TEX36: variants seen among roughly 807,000 people sequenced by gnomAD.
TEX36 encodes testis-expressed protein 36.
A neutral mutation model predicts 13.6 loss-of-function variants in TEX36; 12 were observed. That is an observed-to-expected ratio of 0.88 (90% CI 0.56 to 1.43). The LOEUF is 1.43. TEX36 is among the 40% of genes most tolerant of loss of function. The probability of loss-of-function intolerance (pLI) is 0.00; values close to 1 mark genes in which losing one functional copy is unlikely to be tolerated. For synonymous variants in TEX36, 93 were observed against 83.0 expected, an observed-to-expected ratio of 1.12 and a Z score of -0.65; for missense variants, 224 against 228.3, an observed-to-expected ratio of 0.98 and a Z score of 0.12.
At chr10:125,588,895 C>T (rs900594035) in intron 3 of TEX36, among the ~76,000 whole-genome samples, 1 of 152,100 alleles carries the variant, frequency 6.6e-6, no homozygotes, top group East Asian at 1.9e-4. Context: ...GGATTGCAGG[C>T]GTGAGCCACG....
intron 1 of TEX36, 133 bp from the exon 2 acceptor site, chr10:125,662,110 T>G (rs1847054957): frequency 8.2e-7 from 1 of 1,214,440 alleles, no homozygotes; most frequent in Non-Finnish European, 1.1e-6. Flanking sequence ...TGGCATAATT[T>G]TTGTAATTTT....
chr10:125,676,275 T>G (rs1221523653), intron 1 of TEX36, among the ~76,000 whole-genome samples: 1 of 152,244 alleles, frequency 6.6e-6, no homozygotes, highest in African/African-American at 2.4e-5. Context: ...ATATTTGCCT[T>G]ATGAATCTGG....
intron 3 of TEX36, among the ~76,000 whole-genome samples, chr10:125,637,932 C>G (rs760064568): frequency 8.5e-5 from 13 of 152,062 alleles, no homozygotes. Flanking sequence ...AGACCACCCC[C>G]CTGCTGCCGG....
chr10:125,651,829 C>A (rs1479351171), downstream of TEX36, among the ~76,000 whole-genome samples: 1 of 152,190 alleles, frequency 6.6e-6, no homozygotes, highest in Non-Finnish European at 1.5e-5. Flanking sequence ...GTGCAAAAAT[C>A]ACAAGCATTC....
intron 3 of TEX36, among the ~76,000 whole-genome samples, chr10:125,660,799 T>TA: frequency 6.6e-6 from 1 of 152,310 alleles, no homozygotes; most frequent in South Asian, 2.1e-4. Flanking sequence ...GAAGCGCACT[T>TA]ACACCTAGGC....
intron 3 of TEX36, among the ~76,000 whole-genome samples, chr10:125,589,516 G>A (rs1845998007): frequency 6.6e-6 from 1 of 152,126 alleles, no homozygotes; most frequent in Non-Finnish European, 1.5e-5. Flanking sequence ...TTTTAAAGGA[G>A]TGTCTTTCTA....
At position 125,656,060 on chromosome 10, in the gene TEX36, G is replaced by A. The variant is rs1846935987; in HGVS notation, c.401C>T (p.Ala134Val). 1 of 1,551,674 alleles carries A rather than the reference G, an allele frequency of 6.4e-7. No individual in the cohort carries two copies. The highest frequency in any genetic ancestry group is 8.7e-7 in the Non-Finnish European group (1 of 1,147,002). ...NNQISYVYKE[A>V]MVVSSFRRFP... ...GCGTCTGAAGCTTGAGACCACCATG[G>A]CTTCTTTATATACGTATGATATTTG... The change falls in exon 4 of 4, where the codon GCC becomes GTC. Residue 134 changes from alanine (A) to valine (V), a missense_variant. Physicochemically the swap from Ala to Val is moderately conservative, Grantham distance 64 (BLOSUM62 0). Coordinates refer to ENST00000368821, the MANE Select transcript of TEX36 (RefSeq NM_001128202.3).
chr10:125,636,453 A>T (rs1846625324), intron 3 of TEX36, among the ~76,000 whole-genome samples: 2 of 151,170 alleles, frequency 1.3e-5, no homozygotes, highest in South Asian at 2.1e-4. Flanking sequence ...TGACCTCGTG[A>T]TCCACCTGCC....
At chr10:125,582,883 A>T (rs1164001287) in intron 3 of TEX36, among the ~76,000 whole-genome samples, 2 of 152,230 alleles carry the variant, frequency 1.3e-5, no homozygotes, top group African/African-American at 2.4e-5. Flanking sequence ...TCACTAGATA[A>T]TTAAGCCTCC....
rs61400990 is a variant in TEX36 at position 125,635,398 on chromosome 10, G to T, written c.265-13753C>A. ...ATAAGGATATGAAAACTAAGACTTA[G>T]AAGTAACTTGCCCAAGGTCACAAAG... On this transcript the variant is annotated intron_variant, in intron 3 of 3. Coordinates refer to the TEX36 transcript ENST00000526819. Among the ~76,000 whole-genome samples, 1,458 of 152,320 alleles carry T rather than the reference G, an allele frequency of 9.6e-3. 21 individuals carry two copies. Among genetic ancestry groups the T allele is most frequent in the African/African-American group, 0.033 (1,384 of 41,560 alleles).
At chr10:125,663,870 C>T (rs1847084227) in intron 1 of TEX36, among the ~76,000 whole-genome samples, 1 of 152,118 alleles carries the variant, frequency 6.6e-6, no homozygotes, top group African/African-American at 2.4e-5. Flanking sequence ...TCCAATTATA[C>T]TTTTAGTTTA....
downstream of TEX36, among the ~76,000 whole-genome samples, chr10:125,619,926 A>G (rs1404662427): frequency 6.6e-6 from 1 of 151,958 alleles, no homozygotes; most frequent in Non-Finnish European, 1.5e-5. Context: ...TATATCACCT[A>G]GGTGCATGTA....
intron 1 of TEX36, among the ~76,000 whole-genome samples, chr10:125,671,898 A>G (rs1463867280): frequency 6.6e-6 from 1 of 151,810 alleles, no homozygotes. Flanking sequence ...TTTCTTCTAG[A>G]TTTTCTAGTT....
intron 3 of TEX36, among the ~76,000 whole-genome samples, chr10:125,592,711 T>C (rs1209553427): frequency 2.0e-5 from 3 of 152,062 alleles, no homozygotes; most frequent in Non-Finnish European, 4.4e-5. Flanking sequence ...AGCCCCAACT[T>C]GTGACCCATA....
chr10:125,602,111 T>G (rs965979143), intron 3 of TEX36, among the ~76,000 whole-genome samples: 1 of 152,146 alleles, frequency 6.6e-6, no homozygotes, highest in Admixed American at 6.5e-5. Context: ...CCCCTCTCTG[T>G]GCCTCAGCTT....
intron 3 of TEX36, among the ~76,000 whole-genome samples, chr10:125,649,910 G>A (rs7071499): frequency 0.29 from 43,911 of 152,050 alleles, 10,135 homozygotes; most frequent in African/African-American, 0.61. Flanking sequence ...AGGCCATTAC[G>A]TAATGATAAA....
intron 3 of TEX36, among the ~76,000 whole-genome samples, chr10:125,594,720 A>G (rs1356064878): frequency 6.6e-6 from 1 of 152,220 alleles, no homozygotes; most frequent in African/African-American, 2.4e-5. Flanking sequence ...CTAAACTATT[A>G]CTTAGAGGGA....
intron 3 of TEX36, among the ~76,000 whole-genome samples, chr10:125,621,910 C>T (rs567055312): frequency 5.9e-5 from 9 of 152,314 alleles, no homozygotes; most frequent in Admixed American, 3.3e-4. Context: ...CCACCTGCTT[C>T]GTTCTAGCCG....
intron 1 of TEX36, among the ~76,000 whole-genome samples, chr10:125,662,299 T>TA (rs1847058430): frequency 6.6e-6 from 1 of 152,102 alleles, no homozygotes; most frequent in South Asian, 2.1e-4. Flanking sequence ...AGAAATGTGT[T>TA]ATTTGAGATC....
Sources: gnomAD v4.1 joint callset for allele counts (sites outside exome capture counted in the v4.1 genomes callset) on GRCh38, gnomAD v4.1.1 for gene constraint, MANE v1.5 for transcripts, NCBI Gene and HGNC (gene_info 2026-07-23, HGNC 2026-07-21) for gene names.